The following SLC14A2 variants were observed in gnomAD, a reference collection of about 807,000 sequenced individuals.
SLC14A2 encodes solute carrier family 14 member 2, also known as urea transporter 2.
Under a neutral mutation model 104.6 loss-of-function variants are expected in SLC14A2, and 91 were observed. The observed-to-expected ratio is 0.87, with a 90% confidence interval of 0.73 to 1.04. SLC14A2 has a LOEUF of 1.04. Ranked by LOEUF, SLC14A2 falls within the 50% of genes least tolerant of loss-of-function variation. The probability of loss-of-function intolerance (pLI) is 0.00; values close to 1 mark genes in which losing one functional copy is unlikely to be tolerated. For missense variants in SLC14A2, 1,189 were observed against 1,156.0 expected (o/e 1.03, Z -0.41); for synonymous variants, 476 against 466.4 (o/e 1.02, Z -0.27).
At chr18:45,257,928 C>G (rs967577273) in intron 1 of SLC14A2, among the ~76,000 whole-genome samples, 1 of 152,154 alleles carries the variant, frequency 6.6e-6, no homozygotes, top group African/African-American at 2.4e-5. Flanking sequence ...ACAACTAGTA[C>G]GCACAAGGAC....
chr18:45,245,360 T>C (rs2084358725), intron 1 of SLC14A2, among the ~76,000 whole-genome samples: 2 of 152,218 alleles, frequency 1.3e-5, no homozygotes, highest in African/African-American at 2.4e-5. Flanking sequence ...TCCACTGTGT[T>C]CTCTGTGTTG....
chr18:45,373,448 T>C (rs1255356131), intron 1 of SLC14A2, among the ~76,000 whole-genome samples: 1 of 152,220 alleles, frequency 6.6e-6, no homozygotes, highest in Non-Finnish European at 1.5e-5. Context: ...CCTCTTTTTC[T>C]TCATAGCAAA....
chr18:45,537,311 G>A (rs1159369092), intron 2 of SLC14A2, among the ~76,000 whole-genome samples: 2 of 152,044 alleles, frequency 1.3e-5, no homozygotes, highest in Non-Finnish European at 2.9e-5. Flanking sequence ...TGTAAAAGGA[G>A]ACAAAAAAGA....
intron 1 of SLC14A2, among the ~76,000 whole-genome samples, chr18:45,278,544 A>G: frequency 6.6e-6 from 1 of 152,178 alleles, no homozygotes; most frequent in Non-Finnish European, 1.5e-5. Flanking sequence ...ATATCACAGG[A>G]TCACTGTGAT....
At chr18:45,642,499 G>C (rs1333934806) in intron 8 of SLC14A2, among the ~76,000 whole-genome samples, 1 of 152,214 alleles carries the variant, frequency 6.6e-6, no homozygotes, top group Non-Finnish European at 1.5e-5. Context: ...AGAGGGAAGA[G>C]GTGTTCCGGA....
chr18:45,498,644 C>G (rs1029995696), intron 2 of SLC14A2, among the ~76,000 whole-genome samples: 3 of 152,184 alleles, frequency 2.0e-5, no homozygotes, highest in Non-Finnish European at 4.4e-5. Context: ...CATCTCAGCT[C>G]AGGATTCATC....
chr18:45,197,396 AG>A, the SLC14A2 span, among the ~76,000 whole-genome samples: 1,176 of 152,330 alleles, frequency 7.7e-3, 24 homozygotes, highest in African/African-American at 0.027. Flanking sequence ...CAGTAAGAGA[AG>A]TGAGAGCCTA....
chr18:45,192,637 G>GGT, the SLC14A2 span, among the ~76,000 whole-genome samples: 1 of 122,036 alleles, frequency 8.2e-6, no homozygotes, highest in African/African-American at 3.2e-5. Context: ...TGTGTGTGTG[G>GGT]TTTTTTTTTG....
chr18:45,576,531 C>A lies in SLC14A2; in HGVS notation c.-34-48100C>A, dbSNP rs551896155. Among the ~76,000 whole-genome samples the A allele has an allele frequency of 2.6e-5, 4 of 151,938 alleles. No individual in the cohort carries two copies. In the East Asian group the frequency reaches 7.8e-4, roughly 30 times the overall value. ...AACTCCTGACCTCATGATCCACCTG[C>A]CTCGGCCTCCCAAAGTGCAGGGATT... On this transcript the variant is annotated intron_variant, in intron 2 of 20. Coordinates refer to the SLC14A2 transcript ENST00000586448.
At chr18:45,284,936 A>G (rs1346873196) in intron 1 of SLC14A2, among the ~76,000 whole-genome samples, 1 of 152,216 alleles carries the variant, frequency 6.6e-6, no homozygotes, top group African/African-American at 2.4e-5. Flanking sequence ...TGGCCTGTTC[A>G]GAAGAGAGGG....
intron 2 of SLC14A2, among the ~76,000 whole-genome samples, chr18:45,555,092 G>A (rs2044113164): frequency 6.6e-6 from 1 of 152,182 alleles, no homozygotes; most frequent in African/African-American, 2.4e-5. Context: ...TGAATGAGCT[G>A]AATAAGTTAT....
chr18:45,329,865 C>T (rs2085272145), intron 1 of SLC14A2, among the ~76,000 whole-genome samples: 1 of 152,116 alleles, frequency 6.6e-6, no homozygotes, highest in South Asian at 2.1e-4. Flanking sequence ...GGCAGACACC[C>T]AGTTTAAATT....
chr18:45,471,882 G>GTT (rs34725885), intron 1 of SLC14A2, among the ~76,000 whole-genome samples: 33,288 of 151,394 alleles, frequency 0.22, 3,975 homozygotes, highest in Non-Finnish European at 0.27. Context: ...GTCTATAATA[G>GTT]TTTTTTTTAT....
intron 1 of SLC14A2, among the ~76,000 whole-genome samples, chr18:45,386,195 T>A (rs899285638): frequency 7.2e-5 from 11 of 152,152 alleles, no homozygotes; most frequent in African/African-American, 2.7e-4. Context: ...AGAAGCTACA[T>A]CTGTCTAGCT....
In SLC14A2 at chr18:45,218,948, G is replaced by C. The variant is rs113898299; in HGVS notation, c.-125+5757G>C. ...TACTCAGCATTTTCCAAACACATCT[G>C]AATTCAGAATTAATTTTTAGTTGTT... On this transcript the variant is annotated intron_variant, in intron 1 of 20. Transcript: ENST00000586448. Among the ~76,000 whole-genome samples the C allele has an allele frequency of 2.6e-5, 4 of 151,518 alleles. No homozygotes were observed. In the East Asian group the frequency reaches 7.7e-4, roughly 29 times the overall value.
chr18:45,317,459 T>C (rs1229741898), intron 1 of SLC14A2, among the ~76,000 whole-genome samples: 2 of 152,194 alleles, frequency 1.3e-5, no homozygotes, highest in Non-Finnish European at 2.9e-5. Flanking sequence ...ATTTACAGTA[T>C]AAAATGTTAG....
intron 1 of SLC14A2, among the ~76,000 whole-genome samples, chr18:45,296,144 A>G (rs1217908329): frequency 6.6e-6 from 1 of 152,190 alleles, no homozygotes; most frequent in Non-Finnish European, 1.5e-5. Context: ...AATTCAGCAA[A>G]TATTTGATAA....
At chr18:45,327,914 T>C (rs2085252064) in intron 1 of SLC14A2, among the ~76,000 whole-genome samples, 1 of 152,118 alleles carries the variant, frequency 6.6e-6, no homozygotes, top group Admixed American at 6.5e-5. Flanking sequence ...TATAGAAAGA[T>C]TATGGTGCCT....
intron 1 of SLC14A2, among the ~76,000 whole-genome samples, chr18:45,417,853 A>G (rs1034089615): frequency 5.3e-5 from 8 of 152,200 alleles, no homozygotes; most frequent in African/African-American, 1.9e-4. Flanking sequence ...TCAAGGAGGA[A>G]AGGACTTTTT....
Sources: allele counts gnomAD v4.1 joint callset (sites outside exome capture counted in the v4.1 genomes callset), GRCh38; gene constraint gnomAD v4.1.1; transcripts MANE v1.5; gene names NCBI Gene and HGNC (gene_info 2026-07-23, HGNC 2026-07-21).